The following PSORS1C1 variants were observed in gnomAD, a reference collection of about 807,000 sequenced individuals.
PSORS1C1 encodes the protein psoriasis susceptibility 1 candidate gene 1 protein.
Under a neutral mutation model 9.4 loss-of-function variants are expected in PSORS1C1, and 7 were observed. The observed-to-expected ratio is 0.75, with a 90% CI of 0.42 to 1.40. PSORS1C1 has a LOEUF of 1.40. Ranked by LOEUF, PSORS1C1 falls within the 40% of genes most tolerant of loss-of-function variation. The pLI, the probability that PSORS1C1 is intolerant of heterozygous loss-of-function variation, is 0.01. For missense variants in PSORS1C1, 146 were observed against 178.1 expected (o/e 0.82, Z 1.02); for synonymous variants, 63 against 69.4 (o/e 0.91, Z 0.46).
chr6:31,127,582 T>TATTATTATTATC (rs1772736261), intron 2 of PSORS1C1, among the ~76,000 whole-genome samples: 1 of 149,346 alleles, frequency 6.7e-6, no homozygotes, highest in Admixed American at 6.7e-5. Flanking sequence ...TTATTATTAT[T>TATTATTATTATC]ATTATTATTT....
chr6:31,120,506 C>T, intron 1 of PSORS1C1: 3 of 1,187,954 alleles, frequency 2.5e-6, no homozygotes, highest in Non-Finnish European at 2.4e-6. Flanking sequence ...GGGCAGGAGT[C>T]ACTGTGGGGA....
At position 31,128,092 on chromosome 6, in the gene PSORS1C1, C is replaced by T. The variant is rs1418243743; in HGVS notation, c.-64-1477C>T. 6.6e-6 allele frequency among the ~76,000 whole-genome samples: 1 copy of T among 152,184 alleles called. No homozygotes were observed. Among genetic ancestry groups the T allele is most frequent in the Non-Finnish European group, 1.5e-5 (1 of 68,026 alleles). On this transcript the variant is annotated intron_variant, in intron 2 of 5. Transcript: ENST00000259881. The surrounding 1 kb of genome is among the most constrained non-coding windows in gnomAD (Gnocchi z 4.3). ...TCGTGAGGTCCACTTGGACAGGCAG[C>T]CTGTGCCTGAATTTTCCTGAGGGCT...
At chr6:31,120,283 C>T (rs118016086) in intron 1 of PSORS1C1, 24,370 of 1,399,014 alleles carry the variant, frequency 0.017, 1,112 homozygotes, top group South Asian at 0.12. Flanking sequence ...GGGTCCTCTC[C>T]CGGAGTCTCC....
At position 31,115,245 on chromosome 6, in the gene PSORS1C1, C is replaced by T. The variant is rs9263641; in HGVS notation, c.-229+354C>T. ...CCAGACTCTCAGAGGAGACCCAGGA[C>T]TCCAAGAAGGCAAAAAGTCTGCACC... On this transcript the variant is annotated intron_variant, in intron 1 of 5. Transcript: ENST00000259881. The surrounding 1 kb of genome is among the most constrained non-coding windows in gnomAD (Gnocchi z 4.2). 0.17 allele frequency: 40,234 copies of T among 240,826 alleles called. 3,932 individuals carry two copies. The highest frequency in any genetic ancestry group is 0.3 in the South Asian group (5,751 of 19,094). The allele number at this position is 240,826 out of a possible 1,614,324, so 14.9% of individuals were successfully genotyped here.
chr6:31,138,503 C>T (rs1338855556), intron 4 of PSORS1C1, 44 bp downstream of exon 4: 4 of 1,609,450 alleles, frequency 2.5e-6, no homozygotes, highest in Non-Finnish European at 3.4e-6. Context: ...GTCATGAACC[C>T]CTACCCCCGA....
At chr6:31,117,859 G>A in intron 1 of PSORS1C1, 1 of 361,308 alleles carries the variant, frequency 2.8e-6, no homozygotes, top group South Asian at 2.8e-5. Flanking sequence ...AGCACTTTGG[G>A]AGGCCGAGGT....
chr6:31,131,814 G>A (rs1170493120), intron 3 of PSORS1C1, among the ~76,000 whole-genome samples: 3 of 152,204 alleles, frequency 2.0e-5, no homozygotes, highest in African/African-American at 7.2e-5. Context: ...AAGCTGTAGA[G>A]CATTTACCAA....
chr6:31,120,626 G>A (rs909535306), intron 1 of PSORS1C1, among the ~76,000 whole-genome samples: 25 of 152,144 alleles, frequency 1.6e-4, no homozygotes, highest in African/African-American at 5.8e-4. Flanking sequence ...AGTGGCTGCA[G>A]TGTGGGGTAC....
Position 31,114,814 on chromosome 6 carries a change from G to A in PSORS1C1, c.-306G>A, listed in dbSNP as rs1362401267. ...ATCTGGTTGGAGTTGTTGTGTCCCAGCCTTCCCAAGCTTCCAGGTGTCCCA... is the reference window on the plus strand; with the variant it reads ...ATCTGGTTGGAGTTGTTGTGTCCCAACCTTCCCAAGCTTCCAGGTGTCCCA... On this transcript the variant is annotated 5_prime_UTR_variant, in exon 1 of 6. Coordinates refer to ENST00000259881, the MANE Select transcript of PSORS1C1 (RefSeq NM_014068.3). 2.2e-6 allele frequency: 1 copy of A among 454,880 alleles called. No individual in the cohort carries two copies. The highest frequency in any genetic ancestry group is 4.4e-6 in the Non-Finnish European group (1 of 226,198). The allele number at this position is 454,880 out of a possible 1,614,324, so 28.2% of individuals were successfully genotyped here.
rs768284878 is a variant in PSORS1C1, at chr6:31,117,108, T to G, written c.-229+2217T>G. ...TTGGCAGAGCAGAGCCATTCCCTAC[T>G]TGGAAGCTGCTGCTGCTGAACTGAA... On this transcript the variant is annotated intron_variant, in intron 1 of 5. Transcript: ENST00000259881. The G allele has an allele frequency of 4.3e-6, 7 of 1,614,074 alleles. No homozygotes were observed. The African/African-American group carries it at 8.0e-5, about 18-fold the overall frequency.
At position 31,140,058 on chromosome 6, in the gene PSORS1C1, C is replaced by G. The variant is rs556638752; in HGVS notation, c.*126C>G. Reference sequence around the variant, plus strand: ...CTCCCAGGTTGTTCCCTGCCTGGTCCGCTACCCCACAGTAAGGAACACCTT... The same window carrying G: ...CTCCCAGGTTGTTCCCTGCCTGGTCGGCTACCCCACAGTAAGGAACACCTT... On this transcript the variant is annotated 3_prime_UTR_variant, in exon 6 of 6. Transcript: ENST00000259881. This position sits in a 1 kb window ranked among gnomAD's most constrained non-coding sequence, Gnocchi z 4.6. 1.2e-6 allele frequency: 1 copy of G among 850,986 alleles called. No individual in the cohort carries two copies. Among genetic ancestry groups the G allele is most frequent in the Non-Finnish European group, 1.9e-6 (1 of 530,492 alleles). The allele number at this position is 850,986 out of a possible 1,614,324, so 52.7% of individuals were successfully genotyped here.
Position 31,115,950 on chromosome 6 carries a change from G to C in PSORS1C1, c.-229+1059G>C. 7.4e-7 allele frequency: 1 copy of C among 1,349,962 alleles called. No individual in the cohort carries two copies. The allele number at this position is 1,349,962 out of a possible 1,614,324, so 83.6% of individuals were successfully genotyped here. A position where few individuals can be genotyped will look rare whatever the true frequency, so the allele number is the denominator to read the frequency against. On this transcript the variant is annotated intron_variant, in intron 1 of 5. Coordinates refer to ENST00000259881, the MANE Select transcript of PSORS1C1 (RefSeq NM_014068.3). This position sits in a 1 kb window ranked among gnomAD's most constrained non-coding sequence, Gnocchi z 4.2. ...TGAGCTAACCCTATGCCTGGGCACT[G>C]GACTTCTCCCATATGGGATATAGTG...
intron 2 of PSORS1C1, among the ~76,000 whole-genome samples, chr6:31,129,297 G>A (rs1325245609): frequency 1.3e-5 from 2 of 152,224 alleles, no homozygotes; most frequent in Admixed American, 6.5e-5. Context: ...TGACATAGAC[G>A]TGACGGTGTC....
intron 3 of PSORS1C1, among the ~76,000 whole-genome samples, chr6:31,130,786 G>A (rs2150970637): frequency 1.3e-5 from 2 of 152,054 alleles, no homozygotes; most frequent in Middle Eastern, 3.4e-3. Flanking sequence ...GAGCTCAAGC[G>A]ATCCTCCTGC....
intron 1 of PSORS1C1, among the ~76,000 whole-genome samples, chr6:31,122,515 C>A (rs1264500317): frequency 6.6e-6 from 1 of 152,176 alleles, no homozygotes; most frequent in Non-Finnish European, 1.5e-5. Context: ...GTGGCTCACG[C>A]TTGTAATCCC....
At position 31,139,819 on chromosome 6, in the gene PSORS1C1, C is replaced by T; in HGVS notation, c.346C>T (p.Pro116Ser). The T allele has an allele frequency of 6.2e-7, 1 of 1,613,118 alleles. No individual in the cohort carries two copies. The highest frequency in any genetic ancestry group is 8.5e-7 in the Non-Finnish European group (1 of 1,180,024). Reference sequence around the variant, plus strand: ...AGCTGCCAGGCTCCAGCAACCTCAGCCCCTTCCTCCTCCCTCAGGAATCCA... The same window carrying T: ...AGCTGCCAGGCTCCAGCAACCTCAGTCCCTTCCTCCTCCCTCAGGAATCCA... Reference protein sequence around the residue: ...EEAARLQQPQPLPPPSGIHLS... With the variant: ...EEAARLQQPQSLPPPSGIHLS... Residue 116 changes from proline to serine, a missense_variant, in exon 6 of 6, where the codon CCC becomes TCC. Physicochemically the swap from Pro to Ser is moderately conservative, Grantham distance 74. Transcript: ENST00000259881. This position sits in a 1 kb window ranked among gnomAD's most constrained non-coding sequence, Gnocchi z 5.2.
At chr6:31,129,156 T>G (rs1435966279) in intron 2 of PSORS1C1, among the ~76,000 whole-genome samples, 1 of 151,696 alleles carries the variant, frequency 6.6e-6, no homozygotes, top group Non-Finnish European at 1.5e-5. Context: ...GATTTTACCG[T>G]GATACTAGTT....
chr6:31,127,161 G>C (rs1038663239), intron 2 of PSORS1C1, among the ~76,000 whole-genome samples: 8 of 152,140 alleles, frequency 5.3e-5, no homozygotes, highest in Non-Finnish European at 8.8e-5. Context: ...ACGTGCTCTC[G>C]GGAGAGGAGA....
At chr6:31,129,357 A>T (rs1476108573) in intron 2 of PSORS1C1, among the ~76,000 whole-genome samples, 1 of 152,146 alleles carries the variant, frequency 6.6e-6, no homozygotes, top group Non-Finnish European at 1.5e-5. Context: ...GTAGAGAGGA[A>T]CCAGCATTGT....
Sources: gnomAD v4.1 joint callset for allele counts (sites outside exome capture counted in the v4.1 genomes callset) on GRCh38, gnomAD v4.1.1 for gene constraint, Gnocchi (gnomAD v3.1) non-coding constraint, MANE v1.5 for transcripts, NCBI Gene and HGNC (gene_info 2026-07-23, HGNC 2026-07-21) for gene names.